CSMD1: variants seen among roughly 807,000 people sequenced by gnomAD.
The protein encoded by CSMD1 is CUB and Sushi multiple domains 1, also known as CUB and sushi domain-containing protein 1.
CSMD1 carries 213 observed loss-of-function variants against 417.5 expected under a neutral mutation model. The observed-to-expected ratio is 0.51, with a 90% CI of 0.46 to 0.57. The LOEUF (loss-of-function observed/expected upper bound fraction) is 0.57. Ranked by LOEUF, CSMD1 falls within the 20% of genes least tolerant of loss-of-function variation. The probability of loss-of-function intolerance (pLI) is 0.00; values close to 1 mark genes in which losing one functional copy is unlikely to be tolerated. For missense variants in CSMD1, 6,923 were observed against 4,529.7 expected, an observed-to-expected ratio of 1.53 and a Z score of -15.17; for synonymous variants, 2,862 against 1,736.8, an observed-to-expected ratio of 1.65 and a Z score of -16.11.
chr8:3,994,743 T>A (rs74495169), intron 5 of CSMD1, among the ~76,000 whole-genome samples: 7,119 of 152,270 alleles, frequency 0.047, 295 homozygotes, highest in Admixed American at 0.1. Context: ...ATATTTAGAC[T>A]GCCTCCACTG....
chr8:4,613,341 G>C lies in CSMD1; in HGVS notation c.302+24001C>G, dbSNP rs116214221. Among the ~76,000 whole-genome samples the C allele has an allele frequency of 8.8e-3, 1,342 of 152,296 alleles. 20 individuals carry two copies. The highest frequency in any genetic ancestry group is 0.03 in the African/African-American group (1,259 of 41,552). ...ACCACCGCAGGTGGCCATGTCTACA[G>C]GGTTGTCATTCTCACCTCCACACTG... On this transcript the variant is annotated intron_variant, in intron 2 of 69. Coordinates refer to ENST00000635120, the MANE Select transcript of CSMD1 (RefSeq NM_033225.6).
chr8:4,384,632 T>C (rs936716316), intron 3 of CSMD1, among the ~76,000 whole-genome samples: 8 of 152,178 alleles, frequency 5.3e-5, no homozygotes, highest in African/African-American at 1.2e-4. Context: ...TTTTTTTTGT[T>C]ATTCAACAAC....
intron 5 of CSMD1, among the ~76,000 whole-genome samples, chr8:3,921,323 T>C (rs1417986724): frequency 6.6e-6 from 1 of 152,090 alleles, no homozygotes; most frequent in East Asian, 1.9e-4. Context: ...GAGTTTATCA[T>C]TTTTGTCTAT....
Position 3,363,164 on chromosome 8 carries a change from T to C in CSMD1, c.3116-3824A>G, listed in dbSNP as rs540625756. On this transcript the variant is annotated intron_variant, in intron 20 of 69. Transcript: ENST00000635120. ...CTGCTGAGAGCCCACCCAAATTAGC[T>C]GGCCTGTCCATTCCCTGCTTCACAA... Among the ~76,000 whole-genome samples, 9 of 152,270 alleles carry C rather than the reference T, an allele frequency of 5.9e-5. No individual in the cohort carries two copies. The South Asian group carries it at 1.7e-3, about 28-fold the overall frequency.
chr8:3,416,830 T>A lies in CSMD1; in HGVS notation c.1562-7225A>T, dbSNP rs192597306. On this transcript the variant is annotated intron_variant, in intron 12 of 69. Transcript: ENST00000635120. ...TCTCCACAAGTAGATGAGAACTCCATGAATGACAGCTTTATCAGGTTCTTT... is the reference window on the plus strand; with the variant it reads ...TCTCCACAAGTAGATGAGAACTCCAAGAATGACAGCTTTATCAGGTTCTTT... Among the ~76,000 whole-genome samples, 190 of 152,366 alleles carry A rather than the reference T, an allele frequency of 1.2e-3. 1 individual carries two copies. Among genetic ancestry groups the A allele is most frequent in the Admixed American group, 2.7e-3 (41 of 15,306 alleles).
At position 3,853,604 on chromosome 8, in the gene CSMD1, T is replaced by C. The variant is rs532970437; in HGVS notation, c.819-99562A>G. On this transcript the variant is annotated intron_variant, in intron 5 of 69. Coordinates refer to ENST00000635120, the MANE Select transcript of CSMD1 (RefSeq NM_033225.6). Reference sequence around the variant, plus strand: ...AGTTAAATAAAAAAGAAGGCACTTATGAAAAAAGAAGGAGACCTTGTGCCC... The same window carrying C: ...AGTTAAATAAAAAAGAAGGCACTTACGAAAAAAGAAGGAGACCTTGTGCCC... Among the ~76,000 whole-genome samples the C allele has an allele frequency of 1.4e-4, 21 of 152,012 alleles. No homozygotes were observed. In the South Asian group the frequency reaches 2.9e-3, roughly 21 times the overall value.
chr8:4,696,942 G>A (rs898666077), intron 1 of CSMD1, among the ~76,000 whole-genome samples: 1 of 152,222 alleles, frequency 6.6e-6, no homozygotes, highest in Non-Finnish European at 1.5e-5. Context: ...AGGAGGCCGA[G>A]CTGGGTAGAT....
At chr8:4,453,946 C>A (rs1041337928) in intron 2 of CSMD1, among the ~76,000 whole-genome samples, 1 of 151,156 alleles carries the variant, frequency 6.6e-6, no homozygotes, top group Non-Finnish European at 1.5e-5. Flanking sequence ...CTCAGCCTCC[C>A]GAGTAGCTGG....
intron 39 of CSMD1, among the ~76,000 whole-genome samples, chr8:3,153,236 G>T (rs144699302): frequency 1.3e-5 from 2 of 152,148 alleles, no homozygotes; most frequent in South Asian, 4.1e-4. Flanking sequence ...CCACGGCAAC[G>T]TCAGGAACTT....
chr8:3,051,121 T>A (rs931054812), intron 50 of CSMD1, among the ~76,000 whole-genome samples: 1 of 152,184 alleles, frequency 6.6e-6, no homozygotes, highest in Non-Finnish European at 1.5e-5. Flanking sequence ...GAATATAAAT[T>A]GTTCTACCAT....
intron 54 of CSMD1, among the ~76,000 whole-genome samples, chr8:2,985,180 T>C (rs1397579380): frequency 1.3e-5 from 2 of 152,228 alleles, no homozygotes; most frequent in African/African-American, 2.4e-5. Flanking sequence ...CTTAATTCTG[T>C]AAGCAGACTG....
intron 2 of CSMD1, among the ~76,000 whole-genome samples, chr8:4,486,650 T>A (rs568655357): frequency 6.6e-6 from 1 of 152,108 alleles, no homozygotes; most frequent in South Asian, 2.1e-4. Flanking sequence ...GTGACATACA[T>A]ATAGATGGGG....
At position 4,675,375 on chromosome 8, in the gene CSMD1, G is replaced by C. The variant is rs182330017; in HGVS notation, c.86-37817C>G. 1.1e-4 allele frequency among the ~76,000 whole-genome samples: 16 copies of C among 152,172 alleles called. No individual in the cohort carries two copies. The East Asian group carries it at 3.1e-3, about 29-fold the overall frequency. On this transcript the variant is annotated intron_variant, in intron 1 of 69. Transcript: ENST00000635120. ...ATGTTTGACATTTGAAAAATACAGG[G>C]CAAAACCTTAAGTTTATCATTTCTG...
chr8:4,355,469 CTCATTTTTATT>C (rs1801374512), intron 3 of CSMD1, among the ~76,000 whole-genome samples: 1 of 151,984 alleles, frequency 6.6e-6, no homozygotes, highest in Non-Finnish European at 1.5e-5. Flanking sequence ...ATAGCTCAAA[CTCATTTTTATT>C]AAAAGTAGAG....
At chr8:4,672,233 T>G (rs1018979775) in intron 1 of CSMD1, among the ~76,000 whole-genome samples, 1 of 152,172 alleles carries the variant, frequency 6.6e-6, no homozygotes, top group Non-Finnish European at 1.5e-5. Context: ...AGGTTATATG[T>G]GCACAGGTCA....
At chr8:4,618,628 G>A (rs117843786) in intron 2 of CSMD1, among the ~76,000 whole-genome samples, 2 of 152,080 alleles carry the variant, frequency 1.3e-5, no homozygotes, top group Non-Finnish European at 2.9e-5. Flanking sequence ...GATCTGAAAT[G>A]AATGCCTTGG....
intron 1 of CSMD1, among the ~76,000 whole-genome samples, chr8:4,714,162 A>T (rs901685631): frequency 6.6e-6 from 1 of 151,942 alleles, no homozygotes; most frequent in Non-Finnish European, 1.5e-5. Flanking sequence ...AAAAAAAAAG[A>T]ATACCTTGTG....
At chr8:2,955,033 T>C (rs561058668) in intron 64 of CSMD1, among the ~76,000 whole-genome samples, 88 of 152,314 alleles carry the variant, frequency 5.8e-4, no homozygotes, top group Non-Finnish European at 9.9e-4. Context: ...CCCAGGCTGA[T>C]GACTCTCACT....
At chr8:4,645,558 T>C (rs1206913869) in intron 1 of CSMD1, among the ~76,000 whole-genome samples, 1 of 151,066 alleles carries the variant, frequency 6.6e-6, no homozygotes, top group South Asian at 2.1e-4. Flanking sequence ...TATTGCCTCA[T>C]GGATATGAGC....
Sources: allele counts gnomAD v4.1 joint callset (sites outside exome capture counted in the v4.1 genomes callset), GRCh38; gene constraint gnomAD v4.1.1; transcripts MANE v1.5; gene names NCBI Gene and HGNC (gene_info 2026-07-23, HGNC 2026-07-21).